The following COL24A1 variants were observed in gnomAD, a reference collection of about 807,000 sequenced individuals.
COL24A1 encodes the protein collagen type XXIV alpha 1 chain.
COL24A1 carries 224 observed loss-of-function variants against 253.9 expected under a neutral mutation model. The observed-to-expected ratio is 0.88, with a 90% CI of 0.79 to 0.99. COL24A1 has a LOEUF of 0.99. Ranked by LOEUF, COL24A1 falls within the 50% of genes least tolerant of loss-of-function variation. The pLI is 0.00. For synonymous variants in COL24A1, 685 were observed against 673.7 expected, an observed-to-expected ratio of 1.02 and a Z score of -0.26; for missense variants, 2,131 against 2,068.5, an observed-to-expected ratio of 1.03 and a Z score of -0.59.
intron 47 of COL24A1, among the ~76,000 whole-genome samples, chr1:85,798,761 T>C (rs1671091979): frequency 6.6e-6 from 1 of 152,200 alleles, no homozygotes; most frequent in Admixed American, 6.5e-5. Flanking sequence ...ACAACACTTA[T>C]GCTTGTGTTC....
chr1:85,787,260 G>A (rs534233844), intron 47 of COL24A1, among the ~76,000 whole-genome samples: 10 of 151,166 alleles, frequency 6.6e-5, no homozygotes, highest in African/African-American at 9.7e-5. Flanking sequence ...GGTTTGTTAT[G>A]TAGGTAAATG....
chr1:85,864,843 G>T (rs1404902487), intron 37 of COL24A1, among the ~76,000 whole-genome samples: 1 of 152,078 alleles, frequency 6.6e-6, no homozygotes, highest in Admixed American at 6.5e-5. Context: ...ATCCAACTTT[G>T]GAGTTTATAG....
At chr1:86,000,036 T>C (rs1460749393) in intron 19 of COL24A1, among the ~76,000 whole-genome samples, 1 of 152,190 alleles carries the variant, frequency 6.6e-6, no homozygotes, top group African/African-American at 2.4e-5. Flanking sequence ...TGTCACCCAC[T>C]CCTGTAAATC....
intron 31 of COL24A1, among the ~76,000 whole-genome samples, chr1:85,889,879 T>C (rs1437013431): frequency 6.6e-6 from 1 of 152,088 alleles, no homozygotes; most frequent in Non-Finnish European, 1.5e-5. Flanking sequence ...AAACTGAAAC[T>C]CTGTACCCAT....
At chr1:85,777,926 G>A (rs887511153) in intron 52 of COL24A1, among the ~76,000 whole-genome samples, 9 of 151,192 alleles carry the variant, frequency 6.0e-5, no homozygotes, top group African/African-American at 1.2e-4. Flanking sequence ...TTTTTTCTCC[G>A]CTGGCTACTT....
chr1:85,844,394 C>T (rs757990226), intron 39 of COL24A1, among the ~76,000 whole-genome samples: 16 of 151,910 alleles, frequency 1.1e-4, no homozygotes, highest in African/African-American at 3.1e-4. Context: ...CATAAAAATA[C>T]GGGAATATGG....
chr1:85,804,516 A>G (rs971365418), intron 47 of COL24A1, among the ~76,000 whole-genome samples: 1 of 152,216 alleles, frequency 6.6e-6, no homozygotes, highest in African/African-American at 2.4e-5. Flanking sequence ...AATTTACAAA[A>G]GAAAGAGGTT....
intron 12 of COL24A1, among the ~76,000 whole-genome samples, chr1:86,039,616 T>C (rs1045404954): frequency 2.6e-5 from 4 of 152,140 alleles, no homozygotes; most frequent in Non-Finnish European, 2.9e-5. Context: ...AAAATTATCA[T>C]AGAAGGTTAT....
intron 53 of COL24A1, 115 bp from the exon 54 acceptor site, chr1:85,761,681 A>G: frequency 1.0e-6 from 1 of 986,306 alleles, no homozygotes; most frequent in African/African-American, 1.6e-5. Context: ...AAGTCATACA[A>G]TTTAAAATTG....
chr1:85,908,611 G>A lies in COL24A1; in HGVS notation c.2711C>T (p.Pro904Leu). The part of the protein sequence containing the change: ...GPPGVPGPIG[P>L]LGLPGHVGAR... Reference sequence around the variant, plus strand: ...TCCTGTACTTACAGGTAATCCCAATGGACCGATAGGTCCTGGAACCCCAGG... The same window carrying A: ...TCCTGTACTTACAGGTAATCCCAATAGACCGATAGGTCCTGGAACCCCAGG... The change falls in exon 27 of 60, where the codon CCA becomes CTA. Residue 904 changes from proline (P) to leucine (L), a missense_variant. Pro to Leu is a moderately conservative substitution (Grantham distance 98). Coordinates refer to ENST00000370571, the MANE Select transcript of COL24A1 (RefSeq NM_152890.7). 1.3e-6 allele frequency: 2 copies of A among 1,483,612 alleles called. No individual in the cohort carries two copies. The highest frequency in any genetic ancestry group is 2.2e-5 in the Admixed American group (1 of 45,944). 91.9% of individuals were successfully genotyped at this position (1,483,612 alleles called of 1,614,324 possible).
rs150535189 is a variant in COL24A1 at position 85,978,576 on chromosome 1, G to GT, written c.2365-7184dup. On this transcript the variant is annotated intron_variant, in intron 20 of 59. Coordinates refer to ENST00000370571, the MANE Select transcript of COL24A1 (RefSeq NM_152890.7). ...AAAAGCAAGCAGGACCTCAATAACA[G>GT]TTAAAAAAAAGACAAAGAGGGATAT... Among the ~76,000 whole-genome samples the GT allele has an allele frequency of 5.3e-3, 802 of 151,618 alleles. 17 individuals are homozygous for GT. The highest frequency in any genetic ancestry group is 0.052 in the East Asian group (268 of 5,168).
At chr1:85,746,046 T>A (rs1467158367) in intron 55 of COL24A1, among the ~76,000 whole-genome samples, 1 of 152,114 alleles carries the variant, frequency 6.6e-6, no homozygotes, top group East Asian at 1.9e-4. Flanking sequence ...AATCTCCTCT[T>A]GCATTTAATA....
chr1:85,838,455 A>G, intron 43 of COL24A1, 130 bp downstream of exon 43: 1 of 754,686 alleles, frequency 1.3e-6, no homozygotes, highest in Non-Finnish European at 2.2e-6. Flanking sequence ...CAGAAAGTAG[A>G]AAGACGTCTC....
At chr1:85,998,199 A>G (rs1695039709) in intron 19 of COL24A1, among the ~76,000 whole-genome samples, 1 of 152,180 alleles carries the variant, frequency 6.6e-6, no homozygotes, top group African/African-American at 2.4e-5. Context: ...CTGTGCTTTT[A>G]CAAATGCTGT....
chr1:86,115,620 C>T (rs917028762), intron 3 of COL24A1, among the ~76,000 whole-genome samples: 1 of 152,124 alleles, frequency 6.6e-6, no homozygotes, highest in Non-Finnish European at 1.5e-5. Context: ...TTACAGCCAC[C>T]GTATCTGGTT....
chr1:85,949,032 G>C (rs948744359), intron 24 of COL24A1, among the ~76,000 whole-genome samples: 4 of 152,006 alleles, frequency 2.6e-5, no homozygotes, highest in African/African-American at 9.7e-5. Flanking sequence ...CATCTTTTCA[G>C]TATCGGTTAT....
intron 57 of COL24A1, 150 bp downstream of exon 57, chr1:85,744,516 G>A (rs1664993541): frequency 6.4e-6 from 4 of 620,412 alleles, no homozygotes; most frequent in African/African-American, 5.7e-5. Context: ...CTCCCTCATA[G>A]AGAATTTTAT....
At chr1:85,908,751 A>G (rs187631674) in intron 26 of COL24A1, 100 bp from the exon 27 acceptor site, 71 of 472,080 alleles carry the variant, frequency 1.5e-4, no homozygotes, top group African/African-American at 1.3e-3. Context: ...ATAAAAAGGG[A>G]TAATTTGACA....
At chr1:85,924,097 A>T (rs894640016) in intron 24 of COL24A1, among the ~76,000 whole-genome samples, 6 of 152,198 alleles carry the variant, frequency 3.9e-5, no homozygotes, top group Non-Finnish European at 5.9e-5. Flanking sequence ...CTGGACACAT[A>T]CACCCTCCAA....
Sources: gnomAD v4.1 joint callset for allele counts (sites outside exome capture counted in the v4.1 genomes callset) on GRCh38, gnomAD v4.1.1 for gene constraint, MANE v1.5 for transcripts, NCBI Gene and HGNC (gene_info 2026-07-23, HGNC 2026-07-21) for gene names.